PHACTR1: variants seen among roughly 807,000 people sequenced by gnomAD.
PHACTR1 encodes phosphatase and actin regulator 1.
In PHACTR1, 16 loss-of-function variants were observed where a neutral mutation model predicts 69.2. The observed-to-expected ratio is 0.23, with a 90% CI of 0.16 to 0.35. The LOEUF (loss-of-function observed/expected upper bound fraction) is 0.35, where lower values mean the gene tolerates loss of function less well. Ranked by LOEUF, PHACTR1 falls within the 10% of genes least tolerant of loss-of-function variation. PHACTR1 has a pLI of 1.00. For synonymous variants in PHACTR1, 312 were observed against 284.5 expected (o/e 1.10, Z -0.97); for missense variants, 510 against 734.7 (o/e 0.69, Z 3.54).
intron 5 of PHACTR1, among the ~76,000 whole-genome samples, chr6:13,141,492 T>C (rs1439424971): frequency 6.6e-6 from 1 of 152,184 alleles, no homozygotes; most frequent in African/African-American, 2.4e-5. Flanking sequence ...GTAAAAATAC[T>C]CGTCAAAAAC....
At chr6:13,162,830 C>T (rs900302644) in intron 6 of PHACTR1, among the ~76,000 whole-genome samples, 1 of 152,098 alleles carries the variant, frequency 6.6e-6, no homozygotes, top group African/African-American at 2.4e-5. Flanking sequence ...GAACTCCAGA[C>T]TGTTGGTGCC....
At chr6:12,929,306 A>G (rs1788620677) in intron 4 of PHACTR1, among the ~76,000 whole-genome samples, 1 of 151,530 alleles carries the variant, frequency 6.6e-6, no homozygotes, top group South Asian at 2.1e-4. Flanking sequence ...TACTCCTCCT[A>G]CCTACTCCCT....
At chr6:12,977,745 G>A (rs1470469729) in intron 4 of PHACTR1, among the ~76,000 whole-genome samples, 3 of 152,048 alleles carry the variant, frequency 2.0e-5, no homozygotes, top group South Asian at 2.1e-4. Flanking sequence ...GAAACATAGT[G>A]GGCCATTTAG....
intron 4 of PHACTR1, 70 bp from the exon 5 acceptor site, chr6:13,053,295 C>A: frequency 7.0e-7 from 1 of 1,423,962 alleles, no homozygotes; most frequent in Non-Finnish European, 9.5e-7. Flanking sequence ...AAACGTTGGC[C>A]ATCTGTGAGG....
intron 8 of PHACTR1, among the ~76,000 whole-genome samples, chr6:13,212,236 C>T (rs925351672): frequency 6.6e-6 from 1 of 152,164 alleles, no homozygotes; most frequent in Non-Finnish European, 1.5e-5. Flanking sequence ...CTTAGGACTT[C>T]AACATATGAA....
At chr6:12,807,837 T>C (rs1774530413) in intron 4 of PHACTR1, among the ~76,000 whole-genome samples, 1 of 152,220 alleles carries the variant, frequency 6.6e-6, no homozygotes, top group African/African-American at 2.4e-5. Flanking sequence ...AGCATTGTGA[T>C]AGCTTTAAAG....
At position 13,283,196 on chromosome 6, in the gene PHACTR1, G is replaced by C; in HGVS notation, c.1510-226G>C. On this transcript the variant is annotated intron_variant, in intron 12 of 14. Coordinates refer to ENST00000332995, the MANE Select transcript of PHACTR1 (RefSeq NM_030948.6). This position sits in a 1 kb window ranked among gnomAD's most constrained non-coding sequence, Gnocchi z 4.7. ...AGCTTGGCCTAGAGGGTATGTAAGG[G>C]ATAACAAAGCTCTCTCTTAGGACCT... 2.1e-6 allele frequency: 1 copy of C among 485,636 alleles called. No individual in the cohort carries two copies. The highest frequency in any genetic ancestry group is 3.6e-6 in the Non-Finnish European group (1 of 274,992). The allele number at this position is 485,636 out of a possible 1,614,324, so 30.1% of individuals were successfully genotyped here.
In PHACTR1 at chr6:13,252,201, C is replaced by G. The variant is rs183616323; in HGVS notation, c.1392-20659C>G. ...GACCAGCCTGAGCAACATGGCAAAC[C>G]CCTGCCTTTACAAAAAAAAAAAAAT... On this transcript the variant is annotated intron_variant, in intron 10 of 14. Coordinates refer to ENST00000332995, the MANE Select transcript of PHACTR1 (RefSeq NM_030948.6). Among the ~76,000 whole-genome samples, 347 of 149,526 alleles carry G rather than the reference C, an allele frequency of 2.3e-3. 1 individual carries two copies. The highest frequency in any genetic ancestry group is 8.0e-3 in the African/African-American group (326 of 40,792).
chr6:12,930,849 G>A (rs925346834), intron 4 of PHACTR1, among the ~76,000 whole-genome samples: 2 of 151,916 alleles, frequency 1.3e-5, no homozygotes, highest in East Asian at 1.9e-4. Flanking sequence ...TTAGGAGTTC[G>A]AGACCAGCCT....
At chr6:13,072,328 C>T (rs1809659887) in intron 5 of PHACTR1, among the ~76,000 whole-genome samples, 4 of 152,136 alleles carry the variant, frequency 2.6e-5, no homozygotes, top group Admixed American at 2.6e-4. Context: ...TATGGAAGGT[C>T]TTTACTGTCA....
intron 5 of PHACTR1, among the ~76,000 whole-genome samples, chr6:13,098,396 C>A (rs1259943274): frequency 1.3e-5 from 2 of 152,220 alleles, no homozygotes; most frequent in Non-Finnish European, 2.9e-5. Flanking sequence ...CCTGTTACAT[C>A]CCTGTGGGTT....
rs552744906 is a variant in PHACTR1, at chr6:13,233,138, T to C, written c.1391+2945T>C. 3.4e-4 allele frequency among the ~76,000 whole-genome samples: 52 copies of C among 152,290 alleles called. 1 individual carries two copies. Among genetic ancestry groups the C allele is most frequent in the African/African-American group, 1.2e-3 (48 of 41,562 alleles). ...AAAAGGGCACCATTGCCCCAGAGCA[T>C]ACTCCTAAAAAGGGAGACAATCCCA... On this transcript the variant is annotated intron_variant, in intron 10 of 14. Transcript: ENST00000332995.
intron 5 of PHACTR1, among the ~76,000 whole-genome samples, chr6:13,083,217 C>T (rs1478334615): frequency 2.6e-5 from 4 of 152,132 alleles, no homozygotes; most frequent in Non-Finnish European, 4.4e-5. Flanking sequence ...TTCCCCATTT[C>T]TTCTTTTTGT....
At chr6:13,268,300 C>T (rs1777106130) in intron 10 of PHACTR1, among the ~76,000 whole-genome samples, 1 of 152,108 alleles carries the variant, frequency 6.6e-6, no homozygotes. Context: ...TCTGAGCATG[C>T]CAAAGAGAAC....
chr6:13,278,304 A>G lies in PHACTR1; in HGVS notation c.1484A>G (p.Glu495Gly). 6.2e-7 allele frequency: 1 copy of G among 1,600,788 alleles called. No homozygotes were observed. ...NEQEEQEEKR[E>G]IKRRLTRKLS... Reference sequence around the variant, plus strand: ...CAAGAGGAACAGGAGGAGAAGAGAGAGATCAAGAGGAGGCTAACCCGAAAG... The same window carrying G: ...CAAGAGGAACAGGAGGAGAAGAGAGGGATCAAGAGGAGGCTAACCCGAAAG... Residue 495 changes from glutamate to glycine, a missense_variant, in exon 12 of 15, where the codon GAG (glutamate) becomes GGG (glycine). Around this residue, in one of 2 missense-constraint regions of PHACTR1, gnomAD observed 91 missense variants for 203.8 expected, o/e 0.45. Coordinates refer to ENST00000332995, the MANE Select transcript of PHACTR1 (RefSeq NM_030948.6).
intron 4 of PHACTR1, among the ~76,000 whole-genome samples, chr6:13,008,215 C>T (rs1582939040): frequency 6.6e-6 from 1 of 152,152 alleles, no homozygotes; most frequent in African/African-American, 2.4e-5. Context: ...CTTCAAAACA[C>T]AGTTGGCAGA....
chr6:12,843,488 G>A (rs182789832), intron 4 of PHACTR1, among the ~76,000 whole-genome samples: 2 of 152,276 alleles, frequency 1.3e-5, no homozygotes, highest in African/African-American at 4.8e-5. Context: ...CAGATAAATA[G>A]ATAAACAGAT....
rs774398225 is a variant in PHACTR1, at chr6:13,179,300, G to A, written c.497-3219G>A. Among the ~76,000 whole-genome samples the A allele has an allele frequency of 1.9e-4, 29 of 152,040 alleles. No homozygotes were observed. The highest frequency in any genetic ancestry group is 3.5e-4 in the Non-Finnish European group (24 of 68,020). On this transcript the variant is annotated intron_variant, in intron 6 of 14. Transcript: ENST00000332995. This position sits in a 1 kb window ranked among gnomAD's most constrained non-coding sequence, Gnocchi z 4.2. ...ATATATAAATAGCAGGACATGGAGA[G>A]ACTAGTCTTCAAATTCATAACACTT...
Position 13,283,553 on chromosome 6 carries a change from T to C in PHACTR1, c.1641T>C (p.Ala547=). The C allele has an allele frequency of 1.2e-6, 2 of 1,613,840 alleles. No individual in the cohort carries two copies. The highest frequency in any genetic ancestry group is 1.7e-6 in the Non-Finnish European group (2 of 1,179,868). ...RADKPWTRLT[A]ADKAAIRKEL... ...ATAAGCCGTGGACCCGCCTCACCGC[T>C]GCAGACAAAGTAAGCAGAGGGGAGT... Residue 547 remains alanine (A), a synonymous_variant, in exon 13 of 15, where the codon GCT becomes GCC. Transcript: ENST00000332995. The surrounding 1 kb of genome is among the most constrained non-coding windows in gnomAD (Gnocchi z 4.7).
Sources: gnomAD v4.1 joint callset for allele counts (sites outside exome capture counted in the v4.1 genomes callset) on GRCh38, gnomAD v4.1.1 for gene constraint, gnomAD v4.1.1 regional missense constraint, Gnocchi (gnomAD v3.1) non-coding constraint, MANE v1.5 for transcripts, NCBI Gene and HGNC (gene_info 2026-07-23, HGNC 2026-07-21) for gene names.